Variants in FTO observed in about 807,000 individuals in gnomAD.
FTO encodes the protein FTO alpha-ketoglutarate dependent dioxygenase, also known as alpha-ketoglutarate-dependent dioxygenase FTO.
FTO carries 47 observed loss-of-function variants against 63.9 expected under a neutral mutation model. That is an observed-to-expected ratio of 0.74 (90% CI 0.58 to 0.94). The LOEUF is 0.94. FTO is among the 40% of genes least tolerant of loss of function. The probability of loss-of-function intolerance (pLI) is 0.00; values close to 1 mark genes in which losing one functional copy is unlikely to be tolerated. For synonymous variants in FTO, 207 were observed against 224.4 expected, an observed-to-expected ratio of 0.92 and a Z score of 0.69; for missense variants, 562 against 618.1, an observed-to-expected ratio of 0.91 and a Z score of 0.96.
Position 54,116,684 on chromosome 16 carries a change from C to A in FTO, c.*4769C>A, listed in dbSNP as rs944431384. ...AGACAGCAAGGGCACCCCTGGGCCA[C>A]TGCTGTGTTTGGGAGGCAGGTTTTG... On this transcript the variant is annotated 3_prime_UTR_variant, in exon 9 of 9. Coordinates refer to ENST00000471389, the MANE Select transcript of FTO (RefSeq NM_001080432.3). 2.6e-5 allele frequency: 4 copies of A among 152,024 alleles called. No homozygotes were observed. The highest frequency in any genetic ancestry group is 2.6e-4 in the Admixed American group (4 of 15,266). The allele number at this position is 152,024 out of a possible 1,614,324, so 9.4% of individuals were successfully genotyped here.
intron 3 of FTO, among the ~76,000 whole-genome samples, chr16:53,843,575 T>A (rs934199901): frequency 3.9e-5 from 6 of 152,222 alleles, no homozygotes; most frequent in African/African-American, 1.4e-4. Context: ...ATAGTTGCTC[T>A]TTATATATTT....
chr16:53,919,819 T>A (rs1357262078), intron 7 of FTO, among the ~76,000 whole-genome samples: 2 of 152,040 alleles, frequency 1.3e-5, no homozygotes, highest in Admixed American at 6.6e-5. Context: ...TACAATGGAC[T>A]TTGGGGACTT....
At chr16:54,106,352 C>A (rs1485250548) in intron 8 of FTO, among the ~76,000 whole-genome samples, 3 of 151,500 alleles carry the variant, frequency 2.0e-5, no homozygotes, top group African/African-American at 7.3e-5. Flanking sequence ...TCAGGGAGAA[C>A]CACTCCTAAG....
intron 8 of FTO, among the ~76,000 whole-genome samples, chr16:53,950,816 T>A (rs565242570): frequency 6.6e-6 from 1 of 152,234 alleles, no homozygotes; most frequent in East Asian, 1.9e-4. Flanking sequence ...CATAGTTAAT[T>A]ATCCGTGGAT....
chr16:53,843,819 T>C (rs113593793), intron 3 of FTO, among the ~76,000 whole-genome samples: 1 of 50,698 alleles, frequency 2.0e-5, no homozygotes, highest in Non-Finnish European at 4.7e-5. Flanking sequence ...TAAAAAGTAA[T>C]TTTTTTTTTT....
intron 1 of FTO, among the ~76,000 whole-genome samples, chr16:53,746,748 AT>A: frequency 6.6e-6 from 1 of 152,278 alleles, no homozygotes; most frequent in East Asian, 1.9e-4. Flanking sequence ...ATATGTTATT[AT>A]TTACTATATT....
chr16:53,904,544 G>A (rs372540424), intron 7 of FTO, among the ~76,000 whole-genome samples: 6 of 152,306 alleles, frequency 3.9e-5, no homozygotes, highest in Admixed American at 2.0e-4. Flanking sequence ...TGCGGTTAGC[G>A]TGACATGCAG....
chr16:53,869,182 G>T (rs987600145), intron 4 of FTO, among the ~76,000 whole-genome samples: 3 of 151,838 alleles, frequency 2.0e-5, no homozygotes, highest in African/African-American at 7.3e-5. Flanking sequence ...ACAATTCTAG[G>T]TTGCTGTTTT....
At chr16:53,965,053 A>T (rs926241882) in intron 8 of FTO, among the ~76,000 whole-genome samples, 4 of 152,070 alleles carry the variant, frequency 2.6e-5, no homozygotes, top group Non-Finnish European at 5.9e-5. Context: ...TTGTTACTCC[A>T]TTCCTGTAGT....
chr16:53,926,044 G>A (rs777996114), intron 7 of FTO, among the ~76,000 whole-genome samples: 2 of 152,104 alleles, frequency 1.3e-5, no homozygotes, highest in Non-Finnish European at 2.9e-5. Flanking sequence ...GAAATTCTTA[G>A]GGGTCCTTAA....
intron 1 of FTO, among the ~76,000 whole-genome samples, chr16:53,724,792 C>T (rs567164452): frequency 9.2e-5 from 14 of 152,256 alleles, no homozygotes; most frequent in Admixed American, 4.6e-4. Context: ...GCCACAGAGT[C>T]GGAAGCCCCG....
chr16:53,950,155 T>TAAAAAA lies in FTO; in HGVS notation c.1364+16065_1364+16070dup, dbSNP rs57925273. ...GGAAAAAAAAAGATATTCACATTTGTAAAAAAAAAAAAAAAAAAAAAAAAC... is the reference window on the plus strand; with the variant it reads ...GGAAAAAAAAAGATATTCACATTTGTAAAAAAAAAAAAAAAAAAAAAAAAAAAAAAC... On this transcript the variant is annotated intron_variant, in intron 8 of 8. Transcript: ENST00000471389. Among the ~76,000 whole-genome samples, 45 of 50,620 alleles carry TAAAAAA rather than the reference T, an allele frequency of 8.9e-4. 2 individuals carry two copies. The highest frequency in any genetic ancestry group is 1.6e-3 in the Non-Finnish European group (35 of 22,576). 33.2% of individuals were successfully genotyped at this position (50,620 alleles called of 152,430 possible). A position where few individuals can be genotyped will look rare whatever the true frequency, so the allele number is the denominator to read the frequency against.
intron 1 of FTO, among the ~76,000 whole-genome samples, chr16:53,794,130 G>A (rs1364737477): frequency 1.3e-5 from 2 of 152,186 alleles, no homozygotes; most frequent in South Asian, 2.1e-4. Flanking sequence ...ATGTACCATA[G>A]CATTTTTCTG....
intron 3 of FTO, among the ~76,000 whole-genome samples, chr16:53,832,177 C>T (rs998243625): frequency 1.3e-5 from 2 of 152,260 alleles, no homozygotes; most frequent in African/African-American, 4.8e-5. Flanking sequence ...AGTGGCATCT[C>T]CCATTTGTCA....
At chr16:53,977,861 T>G (rs1239274351) in intron 8 of FTO, among the ~76,000 whole-genome samples, 1 of 152,004 alleles carries the variant, frequency 6.6e-6, no homozygotes, top group African/African-American at 2.4e-5. Context: ...GAAAGAGATA[T>G]TTATTTATTT....
chr16:53,809,573 T>C (rs2078466583), intron 1 of FTO, among the ~76,000 whole-genome samples: 1 of 152,058 alleles, frequency 6.6e-6, no homozygotes, highest in South Asian at 2.1e-4. Flanking sequence ...GAAGAGTGAA[T>C]CAAATTGTCT....
chr16:54,092,804 T>C (rs2086423163), intron 8 of FTO, among the ~76,000 whole-genome samples: 1 of 152,186 alleles, frequency 6.6e-6, no homozygotes, highest in Non-Finnish European at 1.5e-5. Flanking sequence ...TACATCTCTC[T>C]CTTGCAGAAG....
intron 8 of FTO, chr16:53,994,467 C>T (rs2083888423): frequency 6.6e-6 from 1 of 152,172 alleles, no homozygotes; most frequent in African/African-American, 2.4e-5. Flanking sequence ...CTCTAGTGAT[C>T]CTCCCACCTC....
At chr16:53,949,714 AC>A (rs1457920631) in intron 8 of FTO, among the ~76,000 whole-genome samples, 2 of 139,800 alleles carry the variant, frequency 1.4e-5, no homozygotes, top group African/African-American at 5.2e-5. Flanking sequence ...AAAAAAAAAA[AC>A]CCAGTGAGAC....
Sources: allele counts gnomAD v4.1 joint callset (sites outside exome capture counted in the v4.1 genomes callset), GRCh38; gene constraint gnomAD v4.1.1; transcripts MANE v1.5; gene names NCBI Gene and HGNC (gene_info 2026-07-23, HGNC 2026-07-21).